LRBA: variants seen among roughly 807,000 people sequenced by gnomAD.
The protein encoded by LRBA is lipopolysaccharide-responsive and beige-like anchor protein.
In LRBA, 176 loss-of-function variants were observed where a neutral mutation model predicts 330.0. The ratio of observed to expected loss-of-function variants is 0.53; its 90% CI spans 0.47 to 0.60. The LOEUF (loss-of-function observed/expected upper bound fraction) is 0.60, where lower values mean the gene tolerates loss of function less well. LRBA is among the 20% of genes least tolerant of loss of function. The pLI, the probability that LRBA is intolerant of heterozygous loss-of-function variation, is 0.00. For synonymous variants in LRBA, 1,230 were observed against 1,193.0 expected (o/e 1.03, Z -0.64); for missense variants, 3,259 against 3,444.8 (o/e 0.95, Z 1.35).
intron 34 of LRBA, among the ~76,000 whole-genome samples, chr4:150,794,220 G>C (rs544534417): frequency 6.6e-6 from 1 of 152,250 alleles, no homozygotes; most frequent in South Asian, 2.1e-4. Context: ...GGTAAGAAAT[G>C]AGGTTCAGGC....
At chr4:150,512,195 G>A (rs1194623458) in intron 40 of LRBA, among the ~76,000 whole-genome samples, 2 of 152,082 alleles carry the variant, frequency 1.3e-5, no homozygotes, top group Non-Finnish European at 2.9e-5. Context: ...TTAAAATAGC[G>A]AACTGTGTAT....
chr4:150,435,954 T>A (rs1367141940), intron 45 of LRBA, among the ~76,000 whole-genome samples: 5 of 152,182 alleles, frequency 3.3e-5, no homozygotes. Flanking sequence ...GTAGCCTTCC[T>A]TTCCAAGAAT....
Position 150,599,078 on chromosome 4 carries a change from C to T in LRBA, c.5975G>A (p.Arg1992Gln), listed in dbSNP as rs1382833948. 1.9e-6 allele frequency: 3 copies of T among 1,614,076 alleles called. No individual in the cohort carries two copies. Among genetic ancestry groups the T allele is most frequent in the Middle Eastern group, 1.6e-4 (1 of 6,062 alleles). ...LDYWEDDLRR[R>Q]RRFVRNPLGS... ...TAGAGGGTTACGCACAAATCGTCGC[C>T]GGCGCCGCAAGTCATCTTCCCAGTA... Residue 1992 changes from arginine to glutamine, a missense_variant, in exon 38 of 57, where the codon CGG becomes CAG. Arg to Gln is a conservative substitution (Grantham distance 43). Transcript: ENST00000651943.
chr4:150,710,890 C>T (rs1786121634), intron 36 of LRBA, among the ~76,000 whole-genome samples: 1 of 151,712 alleles, frequency 6.6e-6, no homozygotes, highest in African/African-American at 2.4e-5. Flanking sequence ...CATATCAGTT[C>T]GGTTGGCTAA....
intron 37 of LRBA, among the ~76,000 whole-genome samples, chr4:150,632,207 G>T (rs891944795): frequency 1.3e-5 from 2 of 148,652 alleles, no homozygotes; most frequent in African/African-American, 5.0e-5. Context: ...CTCCAGCCTG[G>T]GAGACAGAGT....
intron 44 of LRBA, among the ~76,000 whole-genome samples, chr4:150,447,614 G>A (rs1581343400): frequency 2.6e-5 from 4 of 152,024 alleles, no homozygotes; most frequent in Non-Finnish European, 4.4e-5. Flanking sequence ...CACATCAGCC[G>A]ATTTCTCATA....
Position 150,495,857 on chromosome 4 carries a change from G to C in LRBA, c.6331-4822C>G, listed in dbSNP as rs1340997582. ...ACCATATCATTACCATTGCTCTGCA[G>C]TTATGACCTCAACTCCTGAATTGCT... is the stretch of plus-strand genomic sequence containing the variant. On this transcript the variant is annotated intron_variant, in intron 40 of 56. Coordinates refer to ENST00000651943, the MANE Select transcript of LRBA (RefSeq NM_001364905.1). Among the ~76,000 whole-genome samples the C allele has an allele frequency of 2.6e-5, 4 of 152,162 alleles. No homozygotes were observed. In the East Asian group the frequency reaches 7.7e-4, roughly 29 times the overall value.
chr4:151,005,976 CAAAT>C (rs1421820935), intron 2 of LRBA, among the ~76,000 whole-genome samples: 1 of 152,096 alleles, frequency 6.6e-6, no homozygotes, highest in Non-Finnish European at 1.5e-5. Flanking sequence ...AACTGCCTAA[CAAAT>C]AACTTCATAG....
At chr4:150,784,332 C>A (rs774656490) in intron 34 of LRBA, among the ~76,000 whole-genome samples, 2 of 152,166 alleles carry the variant, frequency 1.3e-5, no homozygotes, top group Non-Finnish European at 2.9e-5. Flanking sequence ...AAAGTCCTGG[C>A]TCTTTGAGCC....
chr4:150,460,310 T>A (rs1289077420), intron 44 of LRBA, among the ~76,000 whole-genome samples: 5 of 147,678 alleles, frequency 3.4e-5, no homozygotes, highest in East Asian at 2.0e-4. Context: ...AGGAGATACA[T>A]GAAGGAGAGA....
chr4:150,591,890 C>T (rs1279208886), intron 38 of LRBA, among the ~76,000 whole-genome samples: 3 of 152,130 alleles, frequency 2.0e-5, no homozygotes, highest in African/African-American at 7.2e-5. Context: ...AACCCACATC[C>T]TTCCAGGGCT....
intron 40 of LRBA, among the ~76,000 whole-genome samples, chr4:150,526,696 C>CTTCTT (rs934765525): frequency 6.6e-6 from 1 of 152,128 alleles, no homozygotes; most frequent in African/African-American, 2.4e-5. Context: ...TCCCTTGCGA[C>CTTCTT]TTCTTTCCTT....
intron 48 of LRBA, among the ~76,000 whole-genome samples, chr4:150,342,197 A>G (rs965748323): frequency 3.9e-5 from 6 of 152,084 alleles, no homozygotes; most frequent in Non-Finnish European, 8.8e-5. Flanking sequence ...GAAAGGCTTA[A>G]TAAGATTGTG....
chr4:150,981,834 G>T (rs1345539417), intron 2 of LRBA, among the ~76,000 whole-genome samples: 4 of 151,866 alleles, frequency 2.6e-5, no homozygotes, highest in African/African-American at 9.7e-5. Context: ...GTGGTGGCGG[G>T]TGCCTGTAGT....
intron 47 of LRBA, among the ~76,000 whole-genome samples, chr4:150,354,658 C>T (rs938749200): frequency 1.3e-5 from 2 of 151,676 alleles, no homozygotes; most frequent in Non-Finnish European, 2.9e-5. Context: ...AAGCCTCACA[C>T]GAATGTTCAA....
intron 2 of LRBA, among the ~76,000 whole-genome samples, chr4:150,992,054 G>A (rs1579428635): frequency 6.6e-6 from 1 of 152,312 alleles, no homozygotes; most frequent in African/African-American, 2.4e-5. Context: ...AGTGGCTCAT[G>A]CCTGTAATCA....
chr4:150,636,841 T>C (rs1042369648), intron 37 of LRBA, among the ~76,000 whole-genome samples: 2 of 152,152 alleles, frequency 1.3e-5, no homozygotes, highest in African/African-American at 4.8e-5. Context: ...AAAGATGAAG[T>C]ATTACTTTTG....
intron 17 of LRBA, among the ~76,000 whole-genome samples, chr4:150,884,607 A>G (rs958924832): frequency 2.0e-5 from 3 of 152,184 alleles, no homozygotes; most frequent in Non-Finnish European, 4.4e-5. Context: ...AGAAAAAGGG[A>G]AAAAGTAAAA....
intron 2 of LRBA, among the ~76,000 whole-genome samples, chr4:150,961,012 A>C (rs1738076390): frequency 6.7e-6 from 1 of 149,042 alleles, no homozygotes; most frequent in African/African-American, 2.6e-5. Flanking sequence ...ACATGGCGCC[A>C]CCTCTCTGCT....
Sources: gnomAD v4.1 joint callset for allele counts (sites outside exome capture counted in the v4.1 genomes callset) on GRCh38, gnomAD v4.1.1 for gene constraint, MANE v1.5 for transcripts, NCBI Gene and HGNC (gene_info 2026-07-23, HGNC 2026-07-21) for gene names.